Variants in PDGFD observed in about 807,000 individuals in gnomAD.
PDGFD encodes the protein platelet-derived growth factor D.
In PDGFD, 30 loss-of-function variants were observed where a neutral mutation model predicts 44.7. The observed-to-expected ratio is 0.67, with a 90% confidence interval of 0.50 to 0.91. The LOEUF (loss-of-function observed/expected upper bound fraction) is 0.91. Ranked by LOEUF, PDGFD falls within the 40% of genes least tolerant of loss-of-function variation. PDGFD has a pLI of 0.00. For missense variants in PDGFD, 445 were observed against 457.8 expected (o/e 0.97, Z 0.25); for synonymous variants, 173 against 168.4 (o/e 1.03, Z -0.21).
intron 1 of PDGFD, among the ~76,000 whole-genome samples, chr11:104,068,516 ATT>A (rs1860825604): frequency 6.6e-6 from 1 of 152,214 alleles, no homozygotes; most frequent in Non-Finnish European, 1.5e-5. Flanking sequence ...ATTTTGTGAC[ATT>A]TCTTTTAATC....
rs17101949 is a variant in PDGFD, at chr11:104,096,081, T to A, written c.124+67723A>T. ...GGAGAATCTGGTATTAAGTTCTGAA[T>A]CTCCTGTTATTATTACAGTAAAATT... On this transcript the variant is annotated intron_variant, in intron 1 of 6. Transcript: ENST00000393158. Among the ~76,000 whole-genome samples the A allele has an allele frequency of 4.5e-3, 687 of 152,310 alleles. 8 individuals are homozygous for A. The highest frequency in any genetic ancestry group is 0.04 in the Admixed American group (607 of 15,282).
chr11:103,956,975 T>C (rs1858860782), intron 3 of PDGFD, among the ~76,000 whole-genome samples: 2 of 152,172 alleles, frequency 1.3e-5, no homozygotes, highest in African/African-American at 4.8e-5. Flanking sequence ...GTCAGATGAG[T>C]AGGTTGCAAA....
chr11:104,045,628 T>C (rs1860428263), intron 1 of PDGFD, among the ~76,000 whole-genome samples: 1 of 151,580 alleles, frequency 6.6e-6, no homozygotes, highest in African/African-American at 2.4e-5. Flanking sequence ...GTAAGGATAG[T>C]GATAGACTGA....
At chr11:104,114,279 A>T (rs1861600311) in intron 1 of PDGFD, among the ~76,000 whole-genome samples, 1 of 151,996 alleles carries the variant, frequency 6.6e-6, no homozygotes, top group Non-Finnish European at 1.5e-5. Flanking sequence ...GAAAGGTGTG[A>T]AGTCTCTGTG....
chr11:104,091,365 T>C (rs747763999), intron 1 of PDGFD, among the ~76,000 whole-genome samples: 1 of 152,210 alleles, frequency 6.6e-6, no homozygotes, highest in Non-Finnish European at 1.5e-5. Context: ...AAGGAAGGTA[T>C]GCCCCCTTCG....
chr11:104,010,874 G>A (rs1859774706), intron 1 of PDGFD, among the ~76,000 whole-genome samples: 1 of 152,056 alleles, frequency 6.6e-6, no homozygotes, highest in Non-Finnish European at 1.5e-5. Context: ...CCTGAATAGA[G>A]AGATCCTTTC....
chr11:104,023,728 A>G (rs1003518440), intron 1 of PDGFD, among the ~76,000 whole-genome samples: 2 of 152,140 alleles, frequency 1.3e-5, no homozygotes, highest in Non-Finnish European at 2.9e-5. Context: ...TTTTCTTCCA[A>G]TGATGAACTA....
chr11:104,135,373 G>T (rs1861989000), intron 1 of PDGFD, among the ~76,000 whole-genome samples: 2 of 152,188 alleles, frequency 1.3e-5, no homozygotes, highest in Non-Finnish European at 2.9e-5. Flanking sequence ...GGAACTAACA[G>T]ATAGAATTGA....
intron 3 of PDGFD, among the ~76,000 whole-genome samples, chr11:103,961,599 C>G (rs948484937): frequency 2.0e-5 from 3 of 152,108 alleles, no homozygotes; most frequent in African/African-American, 7.3e-5. Flanking sequence ...AAAGAAGGTA[C>G]AAGACAAATC....
At chr11:103,911,313 T>C (rs1375599489) in intron 6 of PDGFD, among the ~76,000 whole-genome samples, 3 of 152,042 alleles carry the variant, frequency 2.0e-5, no homozygotes, top group Non-Finnish European at 2.9e-5. Context: ...TAGGGGCCAA[T>C]AGACATTTCA....
intron 1 of PDGFD, among the ~76,000 whole-genome samples, chr11:104,008,266 G>A (rs1419247889): frequency 6.6e-6 from 1 of 152,030 alleles, no homozygotes; most frequent in African/African-American, 2.4e-5. Flanking sequence ...ACCAGTGGTT[G>A]GACTATGGGT....
intron 1 of PDGFD, among the ~76,000 whole-genome samples, chr11:104,006,887 C>G (rs894465019): frequency 1.4e-4 from 22 of 152,168 alleles, no homozygotes; most frequent in Non-Finnish European, 5.9e-5. Context: ...CCATGTGGAA[C>G]CTGATTCTTC....
At chr11:104,024,605 C>T (rs1257694965) in intron 1 of PDGFD, among the ~76,000 whole-genome samples, 1 of 152,114 alleles carries the variant, frequency 6.6e-6, no homozygotes, top group Non-Finnish European at 1.5e-5. Flanking sequence ...ACACGTTGTA[C>T]AGGTTTGAAG....
intron 1 of PDGFD, among the ~76,000 whole-genome samples, chr11:104,112,423 G>T (rs1386008887): frequency 1.3e-5 from 2 of 151,966 alleles, no homozygotes; most frequent in Non-Finnish European, 2.9e-5. Context: ...ATTCACTGTT[G>T]GTGGGAGTGT....
intron 1 of PDGFD, among the ~76,000 whole-genome samples, chr11:104,058,716 A>G (rs961189838): frequency 6.6e-6 from 1 of 152,238 alleles, no homozygotes; most frequent in African/African-American, 2.4e-5. Flanking sequence ...ATAACTAAAA[A>G]CCAGAAAAAT....
Position 104,125,030 on chromosome 11 carries a change from T to C in PDGFD, c.124+38774A>G, listed in dbSNP as rs564367013. Among the ~76,000 whole-genome samples the C allele has an allele frequency of 1.1e-4, 17 of 152,286 alleles. No individual in the cohort carries two copies. The East Asian group carries it at 3.1e-3, about 28-fold the overall frequency. The stretch of plus-strand genomic sequence containing the variant: ...CCCATCTTTATAATTAAGCTTTTTG[T>C]GTTGACTAAAGAATTTCAACTTCTC... On this transcript the variant is annotated intron_variant, in intron 1 of 6. Transcript: ENST00000393158.
At chr11:104,078,411 C>G (rs1045124306) in intron 1 of PDGFD, among the ~76,000 whole-genome samples, 1 of 152,102 alleles carries the variant, frequency 6.6e-6, no homozygotes, top group East Asian at 1.9e-4. Flanking sequence ...CAGATTTATC[C>G]TTTTCTACTG....
chr11:104,163,853 C>A lies in PDGFD; in HGVS notation c.75G>T (p.Pro25=), dbSNP rs769507921. 8 of 1,575,354 alleles carry A rather than the reference C, an allele frequency of 5.1e-6. No individual in the cohort carries two copies. The highest frequency in any genetic ancestry group is 6.9e-6 in the Non-Finnish European group (8 of 1,151,932). Residue 25 remains proline, a synonymous_variant, in exon 1 of 7, where the codon CCG becomes CCT. Transcript: ENST00000393158. ...GCAAAGCTTTGATGGATGCGCTCTG[C>A]GGGGTTGCAGAAGTGTCCCGACAGC... The part of the protein sequence containing the change: ...FCSCRDTSAT[P]QSASIKALRN...
At chr11:103,986,606 G>A (rs1859368835) in intron 3 of PDGFD, among the ~76,000 whole-genome samples, 1 of 152,104 alleles carries the variant, frequency 6.6e-6, no homozygotes, top group Non-Finnish European at 1.5e-5. Flanking sequence ...ACTCCATCTT[G>A]CTTTTAACCT....
Sources: gnomAD v4.1 joint callset for allele counts (sites outside exome capture counted in the v4.1 genomes callset) on GRCh38, gnomAD v4.1.1 for gene constraint, MANE v1.5 for transcripts, NCBI Gene and HGNC (gene_info 2026-07-23, HGNC 2026-07-21) for gene names.